SIK3: variants seen among roughly 807,000 people sequenced by gnomAD.
SIK3 encodes the protein SIK family kinase 3, also known as serine/threonine-protein kinase SIK3.
In SIK3, 28 loss-of-function variants were observed where a neutral mutation model predicts 144.2. The observed-to-expected ratio is 0.19, with a 90% CI of 0.14 to 0.27. The LOEUF (loss-of-function observed/expected upper bound fraction) is 0.27. SIK3 is among the 10% of genes least tolerant of loss of function. SIK3 has a pLI of 1.00. For missense variants in SIK3, 1,319 were observed against 1,776.0 expected (o/e 0.74, Z 4.62); for synonymous variants, 686 against 676.3 (o/e 1.01, Z -0.22).
At chr11:116,929,918 G>A (rs1296959761) in intron 3 of SIK3, among the ~76,000 whole-genome samples, 2 of 152,130 alleles carry the variant, frequency 1.3e-5, no homozygotes, top group African/African-American at 4.8e-5. Context: ...CACTGTTAAT[G>A]GTTCTGGTTA....
intron 6 of SIK3, among the ~76,000 whole-genome samples, chr11:116,879,881 T>G (rs1944459481): frequency 6.6e-6 from 1 of 152,102 alleles, no homozygotes; most frequent in South Asian, 2.1e-4. Context: ...CTGTATAGAT[T>G]ATAAATGTCA....
At position 116,982,292 on chromosome 11, in the gene SIK3, C is replaced by CTT. The variant is rs11397827; in HGVS notation, c.274-25230_274-25229dup. Among the ~76,000 whole-genome samples the CTT allele has an allele frequency of 3.4e-3, 485 of 141,522 alleles. 7 individuals are homozygous for CTT. The highest frequency in any genetic ancestry group is 8.8e-3 in the African/African-American group (339 of 38,568). 92.8% of individuals were successfully genotyped at this position (141,522 alleles called of 152,430 possible). On this transcript the variant is annotated intron_variant, in intron 1 of 24. Coordinates refer to ENST00000445177, the MANE Select transcript of SIK3 (RefSeq NM_001366686.3). Reference sequence around the variant, plus strand: ...GCTTCCTCTGCCTTATGAAATGATGCTTTTTTTTTTTTTTCAGACGGAGTC... The same window carrying CTT: ...GCTTCCTCTGCCTTATGAAATGATGCTTTTTTTTTTTTTTTTCAGACGGAGTC...
intron 1 of SIK3, among the ~76,000 whole-genome samples, chr11:116,981,230 T>C (rs992670872): frequency 6.6e-6 from 1 of 152,208 alleles, no homozygotes; most frequent in Non-Finnish European, 1.5e-5. Flanking sequence ...GGCAGCTTGA[T>C]AGAGAACTGA....
Position 116,854,202 on chromosome 11 carries a change from G to GA in SIK3, c.3655+3607dup, listed in dbSNP as rs992781429. Among the ~76,000 whole-genome samples the GA allele has an allele frequency of 2.9e-4, 43 of 150,076 alleles. No homozygotes were observed. In the East Asian group the frequency reaches 5.6e-3, roughly 20 times the overall value. ...TAGCAAGACCCCATCTATACCAAAG[G>GA]AAAAAAAAAATTAGCTGGGTGTAGT... On this transcript the variant is annotated intron_variant, in intron 21 of 24. Transcript: ENST00000445177.
chr11:116,976,348 A>C (rs1949946834), intron 1 of SIK3, among the ~76,000 whole-genome samples: 1 of 152,168 alleles, frequency 6.6e-6, no homozygotes, highest in African/African-American at 2.4e-5. Context: ...TAAAACTATA[A>C]AACTCTATGA....
chr11:117,018,857 G>A (rs1164550778), intron 1 of SIK3, among the ~76,000 whole-genome samples: 2 of 151,678 alleles, frequency 1.3e-5, no homozygotes, highest in African/African-American at 2.4e-5. Context: ...AATTACAGGC[G>A]CCTGCCACCA....
At chr11:117,028,901 C>T (rs73594169) in intron 1 of SIK3, among the ~76,000 whole-genome samples, 8,478 of 152,026 alleles carry the variant, frequency 0.056, 520 homozygotes, top group African/African-American at 0.15. Flanking sequence ...GGCATGGTGG[C>T]TCATACCTGT....
intron 3 of SIK3, among the ~76,000 whole-genome samples, chr11:116,952,717 A>G (rs1386372126): frequency 2.0e-5 from 3 of 152,206 alleles, no homozygotes; most frequent in Non-Finnish European, 2.9e-5. Flanking sequence ...TCAAAGTAAT[A>G]TGTTGATTTC....
chr11:116,938,487 A>AGG (rs1357676810), intron 3 of SIK3, among the ~76,000 whole-genome samples: 262 of 50,190 alleles, frequency 5.2e-3, no homozygotes, highest in Non-Finnish European at 7.4e-3. Context: ...AGGAGAGGAG[A>AGG]AGAGAAGGAG....
At chr11:117,087,392 G>A (rs1235974526) in intron 1 of SIK3, among the ~76,000 whole-genome samples, 4 of 151,950 alleles carry the variant, frequency 2.6e-5, no homozygotes, top group African/African-American at 4.8e-5. Context: ...GCAGTGAGCC[G>A]AGATCGCACC....
At position 117,013,903 on chromosome 11, in the gene SIK3, G is replaced by GTGTGTGTGTGT. The variant is rs1555127047; in HGVS notation, c.274-56840_274-56839insACACACACACA. On this transcript the variant is annotated intron_variant, in intron 1 of 24. Coordinates refer to ENST00000445177, the MANE Select transcript of SIK3 (RefSeq NM_001366686.3). ...GATATAAGTCTCCAGATTCTGAGGG[G>GTGTGTGTGTGT]GGGGGGGGGAGGGTGTGTGTGTGTG... is the stretch of plus-strand genomic sequence containing the variant. Among the ~76,000 whole-genome samples the GTGTGTGTGTGT allele has an allele frequency of 3.1e-3, 163 of 52,808 alleles. 5 individuals are homozygous for GTGTGTGTGTGT. The highest frequency in any genetic ancestry group is 6.6e-3 in the African/African-American group (111 of 16,872). 34.6% of individuals were successfully genotyped at this position (52,808 alleles called of 152,430 possible).
chr11:116,968,252 C>T (rs1483610841), intron 1 of SIK3, among the ~76,000 whole-genome samples: 2 of 152,292 alleles, frequency 1.3e-5, no homozygotes, highest in East Asian at 3.9e-4. Flanking sequence ...GGGCAATTCT[C>T]CTGCCTCAGC....
intron 4 of SIK3, among the ~76,000 whole-genome samples, chr11:116,913,916 C>T (rs925802039): frequency 6.6e-6 from 1 of 151,332 alleles, no homozygotes; most frequent in Non-Finnish European, 1.5e-5. Context: ...AAACAAAAAA[C>T]CACAAACAAA....
intron 1 of SIK3, among the ~76,000 whole-genome samples, chr11:117,091,598 C>T (rs541485409): frequency 1.3e-5 from 2 of 152,112 alleles, no homozygotes; most frequent in East Asian, 3.9e-4. Context: ...TTTTTCATGC[C>T]CAATAAATCA....
chr11:116,998,830 A>C (rs976414726), intron 1 of SIK3, among the ~76,000 whole-genome samples: 2 of 152,210 alleles, frequency 1.3e-5, no homozygotes, highest in South Asian at 4.1e-4. Flanking sequence ...CAGATATATA[A>C]ATTTTTGTTT....
intron 1 of SIK3, among the ~76,000 whole-genome samples, chr11:116,958,315 A>C (rs1316376593): frequency 6.6e-6 from 1 of 152,238 alleles, no homozygotes; most frequent in Non-Finnish European, 1.5e-5. Context: ...GCATAAAAGT[A>C]ACTTTATCTG....
intron 1 of SIK3, among the ~76,000 whole-genome samples, chr11:117,079,850 A>T (rs1181588514): frequency 6.6e-6 from 1 of 152,130 alleles, no homozygotes; most frequent in Non-Finnish European, 1.5e-5. Context: ...ATATTTTATA[A>T]GGTAACTAAT....
At chr11:117,065,657 GAC>G (rs1953978805) in intron 1 of SIK3, among the ~76,000 whole-genome samples, 2 of 122,636 alleles carry the variant, frequency 1.6e-5, no homozygotes, top group African/African-American at 6.2e-5. Flanking sequence ...TTTTTTTTTT[GAC>G]ACAGAGTCTC....
chr11:117,079,536 A>G (rs1954693569), intron 1 of SIK3, among the ~76,000 whole-genome samples: 1 of 152,222 alleles, frequency 6.6e-6, no homozygotes. Flanking sequence ...TCAAGTAGGA[A>G]TAAGCCATTA....
Sources: gnomAD v4.1 joint callset for allele counts (sites outside exome capture counted in the v4.1 genomes callset) on GRCh38, gnomAD v4.1.1 for gene constraint, MANE v1.5 for transcripts, NCBI Gene and HGNC (gene_info 2026-07-23, HGNC 2026-07-21) for gene names.